The following TNS1 variants were observed in gnomAD, a reference collection of about 807,000 sequenced individuals.
TNS1 encodes the protein tensin-1.
In TNS1, 62 loss-of-function variants were observed where a neutral mutation model predicts 168.6. That is an observed-to-expected ratio of 0.37 (90% CI 0.30 to 0.45). The LOEUF is 0.45. Ranked by LOEUF, TNS1 falls within the 20% of genes least tolerant of loss-of-function variation. TNS1 has a pLI of 1.00. For missense variants in TNS1, 2,240 were observed against 2,339.4 expected (o/e 0.96, Z 0.88); for synonymous variants, 934 against 933.2 (o/e 1.00, Z -0.02).
chr2:217,853,210 G>A (rs1005277628), intron 18 of TNS1, among the ~76,000 whole-genome samples: 7 of 152,174 alleles, frequency 4.6e-5, no homozygotes, highest in Non-Finnish European at 7.3e-5. Context: ...AAAGAGAGAC[G>A]GGGGCAGAGA....
chr2:217,967,104 G>T (rs888031676), intron 3 of TNS1, among the ~76,000 whole-genome samples: 1 of 152,170 alleles, frequency 6.6e-6, no homozygotes, highest in Non-Finnish European at 1.5e-5. Flanking sequence ...CGGATCACGA[G>T]GTCAGGAGAT....
chr2:217,863,003 A>T (rs936141091), intron 18 of TNS1, among the ~76,000 whole-genome samples: 1 of 149,856 alleles, frequency 6.7e-6, no homozygotes, highest in Non-Finnish European at 1.5e-5. Flanking sequence ...ACCCACACTG[A>T]GGGGTCTCTC....
intron 18 of TNS1, among the ~76,000 whole-genome samples, chr2:217,873,756 C>T (rs766866411): frequency 2.8e-4 from 43 of 152,256 alleles, no homozygotes; most frequent in Middle Eastern, 6.8e-3. Context: ...TGGACAGGGT[C>T]TCCCAAATAC....
At chr2:218,021,575 C>A (rs531353922) in intron 1 of TNS1, among the ~76,000 whole-genome samples, 210 of 152,332 alleles carry the variant, frequency 1.4e-3, no homozygotes, top group African/African-American at 4.8e-3. Context: ...CTGCCCTTAT[C>A]ACATACCAGC....
rs907281141 is a variant in TNS1 at position 217,849,816 on chromosome 2, G to A, written c.1430-729C>T. ...ATAGCCTTTGCCCACGGAAGCAGGG[G>A]GAGAACCCAGGAGGGCAGTAGGGTG... On this transcript the variant is annotated intron_variant, in intron 18 of 32. Coordinates refer to ENST00000682258, the MANE Select transcript of TNS1 (RefSeq NM_001387777.1). 40 of 985,336 alleles carry A rather than the reference G, an allele frequency of 4.1e-5. No homozygotes were observed. The African/African-American group carries it at 5.4e-4, about 13-fold the overall frequency. The allele number at this position is 985,336 out of a possible 1,614,324, so 61.0% of individuals were successfully genotyped here.
At chr2:217,860,441 C>T (rs1014544380) in intron 18 of TNS1, among the ~76,000 whole-genome samples, 29 of 152,128 alleles carry the variant, frequency 1.9e-4, no homozygotes. Context: ...CCTCAGGCTC[C>T]ACCTGGGGAA....
chr2:218,012,735 C>G (rs1262180427), upstream of TNS1, among the ~76,000 whole-genome samples: 1 of 152,172 alleles, frequency 6.6e-6, no homozygotes, highest in African/African-American at 2.4e-5. Context: ...TTTTCGTCAC[C>G]AAGGGAGGTC....
intron 18 of TNS1, among the ~76,000 whole-genome samples, chr2:217,855,197 G>T (rs1405229385): frequency 6.6e-6 from 1 of 152,162 alleles, no homozygotes; most frequent in Non-Finnish European, 1.5e-5. Flanking sequence ...ACCTTCTGAA[G>T]CCTCACTTCC....
chr2:217,996,771 G>A (rs937718437), intron 1 of TNS1, among the ~76,000 whole-genome samples: 14 of 151,620 alleles, frequency 9.2e-5, no homozygotes, highest in African/African-American at 2.9e-4. Flanking sequence ...CCCACCCATC[G>A]CCCCTACACA....
In TNS1 at chr2:218,031,304, T is replaced by C. The variant is rs1050406822; in HGVS notation, c.156+2516A>G. Among the ~76,000 whole-genome samples the C allele has an allele frequency of 5.6e-5, 8 of 142,828 alleles. 2 individuals are homozygous for C. Among genetic ancestry groups the C allele is most frequent in the African/African-American group, 1.7e-4 (6 of 36,152 alleles). 93.7% of individuals were successfully genotyped at this position (142,828 alleles called of 152,430 possible). ...GTGTATGAGTGTGTGAGTGTGTCTT[T>C]GTGTATGAGTGTGGGTGTGTGAGCA... On this transcript the variant is annotated intron_variant, in intron 1 of 1. Coordinates refer to the TNS1 transcript ENST00000649572.
At chr2:217,913,354 A>G (rs1334054433) in intron 4 of TNS1, among the ~76,000 whole-genome samples, 9 of 152,064 alleles carry the variant, frequency 5.9e-5, no homozygotes. Flanking sequence ...CAACACCCAA[A>G]TCCTGACTGA....
At chr2:218,026,287 C>T (rs1167825581) in intron 1 of TNS1, among the ~76,000 whole-genome samples, 1 of 152,176 alleles carries the variant, frequency 6.6e-6, no homozygotes, top group Admixed American at 6.5e-5. Flanking sequence ...GCCGCTTGTA[C>T]ACCTACTCCC....
intron 18 of TNS1, chr2:217,879,435 G>A (rs1459734196): frequency 2.2e-6 from 1 of 454,806 alleles, no homozygotes; most frequent in African/African-American, 2.0e-5. Context: ...CGGGGATGGA[G>A]GAGTGCTTTT....
intron 17 of TNS1, 167 bp from the exon 18 acceptor site, chr2:217,881,181 A>G: frequency 3.3e-6 from 2 of 597,102 alleles, no homozygotes; most frequent in Non-Finnish European, 5.9e-6. Flanking sequence ...CTTAAGCTGG[A>G]CTGAGAACTG....
chr2:217,921,736 G>A (rs867173232), intron 3 of TNS1, among the ~76,000 whole-genome samples: 11 of 152,124 alleles, frequency 7.2e-5, no homozygotes, highest in South Asian at 2.1e-4. Context: ...ACAGGGGGCC[G>A]AACAGAACCA....
intron 3 of TNS1, among the ~76,000 whole-genome samples, chr2:217,962,886 T>C (rs1266834464): frequency 1.3e-5 from 2 of 152,166 alleles, no homozygotes; most frequent in Non-Finnish European, 2.9e-5. Flanking sequence ...GTGGGAACAC[T>C]GGCCAAATTC....
At chr2:217,850,560 A>C in intron 18 of TNS1, 1 of 983,162 alleles carries the variant, frequency 1.0e-6, no homozygotes, top group Non-Finnish European at 1.2e-6. Context: ...TACAGTCAGC[A>C]GCCCAGCCAC....
chr2:217,902,556 C>A (rs1362428929), intron 6 of TNS1, among the ~76,000 whole-genome samples: 7 of 152,248 alleles, frequency 4.6e-5, no homozygotes, highest in Middle Eastern at 3.4e-3. Context: ...GACCTGGCTC[C>A]CCTTTCCCCA....
At chr2:217,982,244 A>G (rs7604506) in intron 2 of TNS1, among the ~76,000 whole-genome samples, 2,481 of 152,258 alleles carry the variant, frequency 0.016, 69 homozygotes, top group African/African-American at 0.056. Flanking sequence ...CTCCAGCCCC[A>G]GTCAGGCTTT....
Sources: gnomAD v4.1 joint callset for allele counts (sites outside exome capture counted in the v4.1 genomes callset) on GRCh38, gnomAD v4.1.1 for gene constraint, MANE v1.5 for transcripts, NCBI Gene and HGNC (gene_info 2026-07-23, HGNC 2026-07-21) for gene names.